SAXO4: variants seen among roughly 807,000 people sequenced by gnomAD.
SAXO4 encodes the protein protein phosphatase 1 regulatory subunit 32.
At chr11:61,481,729 G>T in the SAXO4 span, 1 of 732,884 alleles carries the variant, frequency 1.4e-6, no homozygotes, top group East Asian at 3.3e-5. Context: ...TCGCCCCTGT[G>T]GGCTTCCGAG....
the SAXO4 span, chr11:61,482,415 A>G: frequency 2.0e-5 from 32 of 1,613,906 alleles, no homozygotes; most frequent in Non-Finnish European, 2.5e-5. Flanking sequence ...GGCCTTAGAC[A>G]ACCCGGCCAG....
the SAXO4 span, among the ~76,000 whole-genome samples, chr11:61,488,370 T>C: frequency 6.7e-6 from 1 of 148,566 alleles, no homozygotes; most frequent in African/African-American, 2.5e-5. Context: ...AGTGGTGCGA[T>C]CTCGGCTCAC....
the SAXO4 span, chr11:61,485,289 G>C: frequency 5.7e-6 from 9 of 1,565,304 alleles, no homozygotes; most frequent in African/African-American, 9.5e-5. Flanking sequence ...ACACGCCTTC[G>C]GGGCCCTGGT....
chr11:61,484,511 C>T, the SAXO4 span, among the ~76,000 whole-genome samples: 4 of 151,968 alleles, frequency 2.6e-5, no homozygotes, highest in South Asian at 8.3e-4. Flanking sequence ...GAATTCCCTG[C>T]GAGTGTGATG....
At chr11:61,486,418 G>C in the SAXO4 span, 20 of 1,613,954 alleles carry the variant, frequency 1.2e-5, no homozygotes, top group South Asian at 2.2e-5. Context: ...GCTGAGCTAG[G>C]GGGAGGCTGG....
At chr11:61,487,171 A>AC in the SAXO4 span, 1 of 1,613,736 alleles carries the variant, frequency 6.2e-7, no homozygotes, top group Non-Finnish European at 8.5e-7. Flanking sequence ...AGCCTTAACA[A>AC]CCCCATGTAT....
the SAXO4 span, chr11:61,485,191 C>G: frequency 1.5e-6 from 1 of 666,792 alleles, no homozygotes; most frequent in Non-Finnish European, 2.6e-6. Context: ...GATGTCCCAC[C>G]CCACAGAGAC....
the SAXO4 span, chr11:61,482,422 C>T: frequency 5.0e-6 from 8 of 1,613,546 alleles, no homozygotes; most frequent in African/African-American, 9.3e-5. Context: ...GACAACCCGG[C>T]CAGGGGGTAC....
the SAXO4 span, chr11:61,482,880 T>C: frequency 6.9e-7 from 1 of 1,455,200 alleles, no homozygotes; most frequent in Non-Finnish European, 9.1e-7. Flanking sequence ...CTGCCAACAG[T>C]TGGTCAAGGT....
chr11:61,481,402 G>C, the SAXO4 span, among the ~76,000 whole-genome samples: 1 of 152,236 alleles, frequency 6.6e-6, no homozygotes, highest in South Asian at 2.1e-4. Flanking sequence ...GTGGGTTGTC[G>C]GCTCATTCAT....
chr11:61,482,743 A>C, the SAXO4 span: 1 of 1,613,888 alleles, frequency 6.2e-7, no homozygotes, highest in African/African-American at 1.3e-5. Flanking sequence ...CCTGCCCTGG[A>C]GCATGCGCCA....
At chr11:61,481,756 T>G in the SAXO4 span, 3 of 1,048,906 alleles carry the variant, frequency 2.9e-6, no homozygotes, top group Non-Finnish European at 4.0e-6. Context: ...TTGGGACCCA[T>G]GAGGCTCCCC....
the SAXO4 span, chr11:61,486,877 C>A: frequency 1.6e-6 from 2 of 1,288,238 alleles, no homozygotes; most frequent in Non-Finnish European, 2.3e-6. Flanking sequence ...CCTCTGCCTG[C>A]TCCCCTCTCC....
At chr11:61,486,143 G>T in the SAXO4 span, among the ~76,000 whole-genome samples, 3 of 152,224 alleles carry the variant, frequency 2.0e-5, no homozygotes, top group African/African-American at 7.2e-5. Flanking sequence ...TCAGACAAGA[G>T]CCCTGGCCTG....
chr11:61,482,789 C>T, the SAXO4 span: 863 of 1,609,870 alleles, frequency 5.4e-4, 2 homozygotes, highest in Non-Finnish European at 5.3e-4. Context: ...AAGCCCAGTG[C>T]GGGTCCCCCC....
the SAXO4 span, chr11:61,482,041 C>T: frequency 2.7e-6 from 2 of 739,870 alleles, no homozygotes; most frequent in Non-Finnish European, 4.5e-6. Context: ...TCCGTTTGTC[C>T]CCTGGGCCCT....
the SAXO4 span, chr11:61,486,312 G>C: frequency 2.5e-6 from 4 of 1,611,672 alleles, no homozygotes; most frequent in Admixed American, 3.3e-5. Flanking sequence ...CTGCCTCTGC[G>C]GGGCTGACAT....
chr11:61,485,491 C>A, the SAXO4 span: 2 of 1,170,804 alleles, frequency 1.7e-6, no homozygotes, highest in Non-Finnish European at 2.5e-6. Flanking sequence ...TGGCCTAGGA[C>A]TGAGAAGGCA....
chr11:61,488,326 A>G, the SAXO4 span, among the ~76,000 whole-genome samples: 7 of 118,170 alleles, frequency 5.9e-5, no homozygotes, highest in African/African-American at 1.6e-4. Context: ...TTTTTTTAAG[A>G]TGGAGTCTCT....
Sources: gnomAD v4.1 joint callset for allele counts (sites outside exome capture counted in the v4.1 genomes callset) on GRCh38, gnomAD v4.1.1 for gene constraint, MANE v1.5 for transcripts, NCBI Gene and HGNC (gene_info 2026-07-23, HGNC 2026-07-21) for gene names.